TENT5D: variants seen among roughly 807,000 people sequenced by gnomAD.
TENT5D encodes the protein cancer/testis antigen 112.
For missense variants in TENT5D, 191 were observed against 287.0 expected (o/e 0.67, Z 2.42); for synonymous variants, 103 against 100.6 (o/e 1.02, Z -0.15).
upstream of TENT5D, among the ~76,000 whole-genome samples, chrX:80,419,016 TTTG>T (rs1338818733): frequency 1.3e-4 from 15 of 111,897 alleles, no homozygotes; most frequent in Non-Finnish European, 1.9e-5. Context: ...CTTTGCATAA[TTTG>T]TTTTTTATTT....
intron 3 of TENT5D, among the ~76,000 whole-genome samples, chrX:80,364,092 C>T (rs776379641): frequency 8.9e-6 from 1 of 112,080 alleles, no homozygotes; most frequent in Non-Finnish European, 1.9e-5. Context: ...TGACCATTTT[C>T]ATAACTTTTA....
intron 3 of TENT5D, among the ~76,000 whole-genome samples, chrX:80,345,440 A>G (rs1419049226): frequency 1.8e-5 from 2 of 111,334 alleles, no homozygotes; most frequent in African/African-American, 6.5e-5. Flanking sequence ...TGGAGTGCAG[A>G]CTATTTGACC....
At chrX:80,391,108 T>G (rs1490878314) in intron 3 of TENT5D, among the ~76,000 whole-genome samples, 1 of 111,741 alleles carries the variant, frequency 8.9e-6, no homozygotes, top group African/African-American at 3.2e-5. Flanking sequence ...ATCAAAAATT[T>G]TGAGCACCTT....
At chrX:80,422,201 G>A (rs924846158) in intron 1 of TENT5D, among the ~76,000 whole-genome samples, 1 of 110,652 alleles carries the variant, frequency 9.0e-6, no homozygotes, top group African/African-American at 3.3e-5. Flanking sequence ...ATGGCTGGGT[G>A]CAGTGGCTCA....
At chrX:80,421,610 T>G in intron 1 of TENT5D, among the ~76,000 whole-genome samples, 1 of 112,822 alleles carries the variant, frequency 8.9e-6, no homozygotes, top group Admixed American at 9.4e-5. Context: ...TGGATTTTAT[T>G]AAGCCAATTG....
chrX:80,425,946 G>A (rs1383697326), intron 1 of TENT5D, among the ~76,000 whole-genome samples: 1 of 110,682 alleles, frequency 9.0e-6, no homozygotes, highest in Non-Finnish European at 1.9e-5. Flanking sequence ...AGAATCACTT[G>A]AATCCGGGAG....
At chrX:80,426,206 G>C (rs1366094439) in intron 1 of TENT5D, among the ~76,000 whole-genome samples, 6 of 110,907 alleles carry the variant, frequency 5.4e-5, no homozygotes, top group African/African-American at 2.0e-4. Flanking sequence ...TATTTATTTT[G>C]GGAAGCCCAT....
upstream of TENT5D, among the ~76,000 whole-genome samples, chrX:80,419,415 G>T (rs1025152189): frequency 1.8e-5 from 2 of 111,192 alleles, no homozygotes; most frequent in Non-Finnish European, 3.8e-5. Context: ...TTTACCTTTG[G>T]CCCCTCCAAA....
At chrX:80,337,317 A>G (rs1929870902) in intron 2 of TENT5D, among the ~76,000 whole-genome samples, 1 of 111,860 alleles carries the variant, frequency 8.9e-6, no homozygotes, top group Non-Finnish European at 1.9e-5. Context: ...AAGCAAAAGG[A>G]TATTATACCC....
intron 3 of TENT5D, among the ~76,000 whole-genome samples, chrX:80,358,942 A>G (rs1364598259): frequency 2.7e-5 from 3 of 112,226 alleles, no homozygotes; most frequent in African/African-American, 9.7e-5. Flanking sequence ...GAAGGAAAGT[A>G]TTGCCAGATA....
chrX:80,431,629 A>G (rs1295111913), intron 1 of TENT5D, among the ~76,000 whole-genome samples: 1 of 111,574 alleles, frequency 9.0e-6, no homozygotes, highest in African/African-American at 3.3e-5. Context: ...CATGTCTTAC[A>G]TGGATGGCAA....
chrX:80,408,430 C>T (rs1344755317), intron 3 of TENT5D, among the ~76,000 whole-genome samples: 1 of 110,095 alleles, frequency 9.1e-6, no homozygotes, highest in African/African-American at 3.3e-5. Flanking sequence ...CCACAGATCC[C>T]ACAGAAATAC....
At chrX:80,383,033 TG>T (rs894357437) in intron 3 of TENT5D, among the ~76,000 whole-genome samples, 2 of 111,721 alleles carry the variant, frequency 1.8e-5, no homozygotes, top group Non-Finnish European at 3.8e-5. Flanking sequence ...AGGTGAACCA[TG>T]TACCTCAGTT....
exon 3 of TENT5D, chrX:80,443,852 C>A: frequency 1.9e-6 from 1 of 538,458 alleles, no homozygotes; most frequent in Non-Finnish European, 2.9e-6. Flanking sequence ...TAGTAGTTAC[C>A]AACTATTTTT....
intron 3 of TENT5D, among the ~76,000 whole-genome samples, chrX:80,352,156 C>T (rs1029687108): frequency 8.9e-6 from 1 of 112,166 alleles, no homozygotes; most frequent in Non-Finnish European, 1.9e-5. Flanking sequence ...CAGTCTGCCC[C>T]TTAGCAGAGC....
rs758120029 is a variant in TENT5D, at chrX:80,396,365, A to G, written c.-141-42245A>G. Reference sequence around the variant, plus strand: ...ATAGGACAATAGTGGAGGGAAGGTCAGCAGATAAACAAGTGAACAAAGGTC... The same window carrying G: ...ATAGGACAATAGTGGAGGGAAGGTCGGCAGATAAACAAGTGAACAAAGGTC... On this transcript the variant is annotated intron_variant, in intron 3 of 4. Coordinates refer to the TENT5D transcript ENST00000538312. 5.5e-3 allele frequency among the ~76,000 whole-genome samples: 609 copies of G among 110,488 alleles called. 5 individuals carry two copies. The highest frequency in any genetic ancestry group is 0.019 in the African/African-American group (557 of 30,087).
chrX:80,349,102 G>A (rs1321779192), intron 3 of TENT5D, among the ~76,000 whole-genome samples: 1 of 111,929 alleles, frequency 8.9e-6, no homozygotes, highest in Non-Finnish European at 1.9e-5. Flanking sequence ...GTTCATCAAC[G>A]ATACTGTCTT....
intron 1 of TENT5D, among the ~76,000 whole-genome samples, chrX:80,428,007 A>G (rs1277375226): frequency 2.7e-5 from 3 of 112,681 alleles, no homozygotes; most frequent in Non-Finnish European, 3.7e-5. Flanking sequence ...AAATATACCT[A>G]TAACTTAAAT....
chrX:80,431,666 C>A (rs1423799386), intron 1 of TENT5D, among the ~76,000 whole-genome samples: 1 of 111,080 alleles, frequency 9.0e-6, no homozygotes, highest in Non-Finnish European at 1.9e-5. Context: ...GGGAAACACT[C>A]TTTTTAAAAC....
Sources: allele counts gnomAD v4.1 joint callset (sites outside exome capture counted in the v4.1 genomes callset), GRCh38; gene constraint gnomAD v4.1.1; transcripts MANE v1.5; gene names NCBI Gene and HGNC (gene_info 2026-07-23, HGNC 2026-07-21).